GIPC2: variants seen among roughly 807,000 people sequenced by gnomAD.
The protein encoded by GIPC2 is PDZ domain-containing protein GIPC2.
In GIPC2, 30 loss-of-function variants were observed where a neutral mutation model predicts 30.6. The ratio of observed to expected loss-of-function variants is 0.98; its 90% CI spans 0.73 to 1.33. The LOEUF (loss-of-function observed/expected upper bound fraction) is 1.33. Ranked by LOEUF, GIPC2 falls within the 40% of genes most tolerant of loss-of-function variation. The pLI, the probability that GIPC2 is intolerant of heterozygous loss-of-function variation, is 0.00. For missense variants in GIPC2, 414 were observed against 390.3 expected (o/e 1.06, Z -0.51); for synonymous variants, 167 against 150.0 (o/e 1.11, Z -0.83).
At chr1:78,076,530 C>T (rs972036677) in intron 1 of GIPC2, among the ~76,000 whole-genome samples, 1 of 152,250 alleles carries the variant, frequency 6.6e-6, no homozygotes, top group East Asian at 1.9e-4. Flanking sequence ...CTAGATCCCT[C>T]GCATGTGCAG....
chr1:78,131,258 G>A (rs1454589231), intron 5 of GIPC2, among the ~76,000 whole-genome samples: 5 of 151,532 alleles, frequency 3.3e-5, no homozygotes, highest in Non-Finnish European at 7.4e-5. Flanking sequence ...CCAGGCTGGA[G>A]TGCAGTGTGG....
chr1:78,090,269 A>G (rs1662013903), intron 2 of GIPC2, among the ~76,000 whole-genome samples: 2 of 152,172 alleles, frequency 1.3e-5, no homozygotes, highest in Non-Finnish European at 2.9e-5. Context: ...GTCTTGGCTC[A>G]CTGCAACCTC....
chr1:78,054,398 G>A (rs144503755), intron 1 of GIPC2, among the ~76,000 whole-genome samples: 751 of 152,298 alleles, frequency 4.9e-3, no homozygotes, highest in Admixed American at 9.4e-3. Context: ...GAAAGCTGAG[G>A]ATATAGATAG....
At chr1:78,055,104 T>A (rs1430267151) in intron 1 of GIPC2, among the ~76,000 whole-genome samples, 1 of 152,220 alleles carries the variant, frequency 6.6e-6, no homozygotes, top group Admixed American at 6.5e-5. Flanking sequence ...AAGTCCTAGA[T>A]TGATGTGCCG....
chr1:78,072,467 G>A (rs1279582475), intron 1 of GIPC2, among the ~76,000 whole-genome samples: 1 of 152,102 alleles, frequency 6.6e-6, no homozygotes, highest in Non-Finnish European at 1.5e-5. Flanking sequence ...TCAGCTTTTT[G>A]GAAGAGTTTT....
At chr1:78,130,368 C>G (rs937801309) in intron 5 of GIPC2, among the ~76,000 whole-genome samples, 5 of 152,214 alleles carry the variant, frequency 3.3e-5, no homozygotes, top group African/African-American at 1.2e-4. Flanking sequence ...TCCCAAAGTG[C>G]TAGGATTACA....
At chr1:78,125,997 C>A in intron 5 of GIPC2, 35 bp downstream of exon 5, 1 of 897,428 alleles carries the variant, frequency 1.1e-6, no homozygotes, top group South Asian at 1.4e-5. Context: ...TCTTATATCT[C>A]TTAATCTGCT....
chr1:78,113,130 C>CCTTTT (rs1662502468), intron 3 of GIPC2, among the ~76,000 whole-genome samples: 1 of 152,130 alleles, frequency 6.6e-6, no homozygotes. Context: ...ATGTAAAAGG[C>CCTTTT]CTTTGAGTAG....
chr1:78,137,328 C>G lies in GIPC2; in HGVS notation c.*1585C>G, dbSNP rs958916851. On this transcript the variant is annotated 3_prime_UTR_variant, in exon 6 of 6. Transcript: ENST00000370759. ...TAATATTACCTCTCTTGGAAAGACA[C>G]AAAAAAAGAGCTGTTATTTTTAGGC... is the stretch of plus-strand genomic sequence containing the variant. 5 of 151,868 alleles carry G rather than the reference C, an allele frequency of 3.3e-5. No homozygotes were observed. Among genetic ancestry groups the G allele is most frequent in the Non-Finnish European group, 4.4e-5 (3 of 67,918 alleles). 9.4% of individuals were successfully genotyped at this position (151,868 alleles called of 1,614,324 possible).
intron 3 of GIPC2, among the ~76,000 whole-genome samples, chr1:78,096,310 A>G (rs1446364940): frequency 6.6e-6 from 1 of 152,144 alleles, no homozygotes; most frequent in Non-Finnish European, 1.5e-5. Context: ...TCATTTGGTA[A>G]CCTAACTCCC....
intron 3 of GIPC2, among the ~76,000 whole-genome samples, chr1:78,104,578 G>A (rs1015850044): frequency 2.6e-5 from 4 of 152,076 alleles, no homozygotes; most frequent in African/African-American, 9.7e-5. Flanking sequence ...GGGCAGCAGT[G>A]GGAATTCAAA....
At chr1:78,088,627 C>G (rs1465886462) in intron 2 of GIPC2, among the ~76,000 whole-genome samples, 4 of 152,126 alleles carry the variant, frequency 2.6e-5, no homozygotes, top group African/African-American at 7.2e-5. Context: ...GACTCTGTCT[C>G]TACAACAAAT....
At chr1:78,061,327 G>A (rs2102641480) in intron 1 of GIPC2, among the ~76,000 whole-genome samples, 1 of 152,246 alleles carries the variant, frequency 6.6e-6, no homozygotes, top group South Asian at 2.1e-4. Flanking sequence ...CTCTGTCACT[G>A]CTTGTCTGAA....
intron 1 of GIPC2, among the ~76,000 whole-genome samples, 162 bp from the exon 2 acceptor site, chr1:78,080,513 T>C (rs1008726305): frequency 2.0e-4 from 31 of 152,176 alleles, no homozygotes; most frequent in Non-Finnish European, 3.7e-4. Flanking sequence ...TGTCTGAAAA[T>C]GTGTCCCAGA....
chr1:78,087,805 A>C (rs1661958923), intron 2 of GIPC2, among the ~76,000 whole-genome samples: 1 of 152,242 alleles, frequency 6.6e-6, no homozygotes, highest in African/African-American at 2.4e-5. Flanking sequence ...AAGAGAAACT[A>C]TCAACAGAGT....
chr1:78,083,748 T>A (rs191096562), intron 2 of GIPC2, among the ~76,000 whole-genome samples: 5 of 152,334 alleles, frequency 3.3e-5, no homozygotes, highest in Non-Finnish European at 5.9e-5. Context: ...TCTGTTACTA[T>A]CAATTATATT....
At chr1:78,068,973 G>A (rs918357529) in intron 1 of GIPC2, 4 of 570,006 alleles carry the variant, frequency 7.0e-6, no homozygotes, top group Non-Finnish European at 8.9e-6. Context: ...CCCCTGCTTG[G>A]TCTTCTCCCT....
rs773325165 is a variant in GIPC2 at position 78,137,778 on chromosome 1, G to T, written c.*2035G>T. 3.3e-5 allele frequency: 5 copies of T among 151,910 alleles called. No individual in the cohort carries two copies. The highest frequency in any genetic ancestry group is 7.4e-5 in the Non-Finnish European group (5 of 67,962). 9.4% of individuals were successfully genotyped at this position (151,910 alleles called of 1,614,324 possible). A position where few individuals can be genotyped will look rare whatever the true frequency, so the allele number is the denominator to read the frequency against. On this transcript the variant is annotated 3_prime_UTR_variant, in exon 6 of 6. Coordinates refer to ENST00000370759, the MANE Select transcript of GIPC2 (RefSeq NM_017655.6). ...CTGATAACAAGGTCAGTTTCTTTAT[G>T]TCATTTTATTCCCATACCTAAAATT...
chr1:78,046,359 TC>T, intron 1 of GIPC2, 25 bp downstream of exon 1: 2 of 1,558,448 alleles, frequency 1.3e-6, no homozygotes, highest in Middle Eastern at 2.0e-4. Flanking sequence ...GCTCAGGCTC[TC>T]CCGCCTCTCC....
Sources: allele counts gnomAD v4.1 joint callset (sites outside exome capture counted in the v4.1 genomes callset), GRCh38; gene constraint gnomAD v4.1.1; transcripts MANE v1.5; gene names NCBI Gene and HGNC (gene_info 2026-07-23, HGNC 2026-07-21).